ERP44: variants seen among roughly 807,000 people sequenced by gnomAD.
ERP44 encodes endoplasmic reticulum resident protein 44.
In ERP44, 25 loss-of-function variants were observed where a neutral mutation model predicts 53.4. The ratio of observed to expected loss-of-function variants is 0.47; its 90% confidence interval spans 0.34 to 0.65. ERP44 has a LOEUF of 0.65. ERP44 is among the 30% of genes least tolerant of loss of function. The pLI is 0.01. For synonymous variants in ERP44, 145 were observed against 161.2 expected, an observed-to-expected ratio of 0.90 and a Z score of 0.76; for missense variants, 338 against 493.2, an observed-to-expected ratio of 0.69 and a Z score of 2.98.
chr9:99,999,626 G>A (rs1281184535), intron 10 of ERP44, among the ~76,000 whole-genome samples: 1 of 152,070 alleles, frequency 6.6e-6, no homozygotes, highest in Non-Finnish European at 1.5e-5. Flanking sequence ...TTCCCATTCT[G>A]TAGGTTGTTT....
At chr9:99,997,796 AAC>A (rs1830328487) in intron 10 of ERP44, among the ~76,000 whole-genome samples, 1 of 152,144 alleles carries the variant, frequency 6.6e-6, no homozygotes, top group Non-Finnish European at 1.5e-5. Context: ...CCAGGACTAA[AAC>A]ACAGCACACT....
At chr9:100,044,314 C>T (rs921247979) in intron 4 of ERP44, among the ~76,000 whole-genome samples, 1 of 152,248 alleles carries the variant, frequency 6.6e-6, no homozygotes, top group Non-Finnish European at 1.5e-5. Flanking sequence ...AAGGTCTCTA[C>T]TCTCATAGAG....
chr9:100,054,896 A>C (rs1457881208), intron 3 of ERP44, among the ~76,000 whole-genome samples: 1 of 152,220 alleles, frequency 6.6e-6, no homozygotes, highest in African/African-American at 2.4e-5. Context: ...ATCTATTAAA[A>C]GGGCCTAAGG....
At position 100,000,967 on chromosome 9, in the gene ERP44, T is replaced by C. The variant is rs570476225; in HGVS notation, c.1016+5539A>G. Among the ~76,000 whole-genome samples, 92 of 152,280 alleles carry C rather than the reference T, an allele frequency of 6.0e-4. No homozygotes were observed. In the South Asian group the frequency reaches 0.018, roughly 30 times the overall value. ...TTGAGATCTTTCTTGTTTTCTGATG[T>C]AGGTGTTTCTTGCTATAAAACTTCC... On this transcript the variant is annotated intron_variant, in intron 10 of 11. Coordinates refer to ENST00000262455, the MANE Select transcript of ERP44 (RefSeq NM_015051.3).
chr9:100,041,338 C>T (rs941080527), intron 4 of ERP44, among the ~76,000 whole-genome samples: 4 of 151,956 alleles, frequency 2.6e-5, no homozygotes, highest in African/African-American at 9.7e-5. Flanking sequence ...ATTACTTTTG[C>T]ACCAACCTAT....
chr9:100,053,467 C>T (rs971392248), intron 3 of ERP44, among the ~76,000 whole-genome samples: 1 of 152,152 alleles, frequency 6.6e-6, no homozygotes, highest in Non-Finnish European at 1.5e-5. Flanking sequence ...TAGGCGATTT[C>T]TTCATTACGT....
chr9:100,047,617 A>G (rs752836028), intron 4 of ERP44, among the ~76,000 whole-genome samples: 7 of 152,158 alleles, frequency 4.6e-5, no homozygotes, highest in Non-Finnish European at 8.8e-5. Context: ...CTCTCTAAAC[A>G]CTCTAAAACT....
chr9:100,075,550 C>T (rs1416607917), intron 1 of ERP44, among the ~76,000 whole-genome samples: 2 of 152,190 alleles, frequency 1.3e-5, no homozygotes, highest in Non-Finnish European at 2.9e-5. Context: ...ATCCAGAGAG[C>T]AAGAAGTAGC....
intron 10 of ERP44, among the ~76,000 whole-genome samples, chr9:99,996,808 A>C (rs1472169877): frequency 1.3e-5 from 2 of 152,102 alleles, no homozygotes; most frequent in African/African-American, 2.4e-5. Context: ...GAGTTGCTTC[A>C]CTTAGAATAA....
chr9:100,031,085 AAAG>A (rs1323025093), intron 4 of ERP44, among the ~76,000 whole-genome samples: 2 of 152,160 alleles, frequency 1.3e-5, no homozygotes, highest in East Asian at 3.8e-4. Context: ...GCTCTGTCAT[AAAG>A]AAGAATACCT....
rs1243047544 is a variant in ERP44 at position 99,981,195 on chromosome 9, A to G, written c.*1417T>C. On this transcript the variant is annotated 3_prime_UTR_variant, in exon 12 of 12. Coordinates refer to ENST00000262455, the MANE Select transcript of ERP44 (RefSeq NM_015051.3). ...TTCACAATTTGATACAATACATTAA[A>G]TATACCCCTTATCACCTTATTAACA... is the stretch of plus-strand genomic sequence containing the variant. The G allele has an allele frequency of 6.6e-6, 1 of 152,248 alleles. No individual in the cohort carries two copies. Among genetic ancestry groups the G allele is most frequent in the African/African-American group, 2.4e-5 (1 of 41,464 alleles). The allele number at this position is 152,248 out of a possible 1,614,324, so 9.4% of individuals were successfully genotyped here.
chr9:99,990,175 A>G (rs1353778885), intron 10 of ERP44, among the ~76,000 whole-genome samples: 1 of 152,210 alleles, frequency 6.6e-6, no homozygotes, highest in African/African-American at 2.4e-5. Context: ...AGAACACCAC[A>G]AAGATACTCC....
intron 10 of ERP44, among the ~76,000 whole-genome samples, chr9:100,002,933 T>C (rs959516152): frequency 2.0e-5 from 3 of 152,148 alleles, no homozygotes; most frequent in Admixed American, 2.0e-4. Flanking sequence ...CTTCATTTAC[T>C]CCTATAACTT....
chr9:100,006,932 T>C (rs2118632892), intron 9 of ERP44, among the ~76,000 whole-genome samples: 1 of 152,348 alleles, frequency 6.6e-6, no homozygotes, highest in Admixed American at 6.5e-5. Flanking sequence ...TCATTTACTT[T>C]GCAGATTATC....
intron 1 of ERP44, among the ~76,000 whole-genome samples, chr9:100,063,075 C>CAAAAAAAAAAAATAAAAAAAAAAAAAA (rs1826170748): frequency 2.5e-5 from 1 of 40,084 alleles, no homozygotes; most frequent in African/African-American, 1.1e-4. Flanking sequence ...CCCTGTCTCA[C>CAAAAAAAAAAAATAAAAAAAAAAAAAA]AAAAAAAAAA....
intron 1 of ERP44, among the ~76,000 whole-genome samples, chr9:100,067,876 G>A (rs1226498715): frequency 6.6e-5 from 10 of 151,168 alleles, no homozygotes; most frequent in South Asian, 2.1e-4. Flanking sequence ...CCCTCCGCCC[G>A]GCAGCCGCCC....
At chr9:100,009,342 G>A (rs551199651) in intron 8 of ERP44, among the ~76,000 whole-genome samples, 4 of 152,122 alleles carry the variant, frequency 2.6e-5, no homozygotes, top group South Asian at 4.2e-4. Context: ...TCAATCTCCT[G>A]ACCTCATGAT....
chr9:100,011,807 G>A (rs1052724365), intron 8 of ERP44, among the ~76,000 whole-genome samples: 1 of 152,106 alleles, frequency 6.6e-6, no homozygotes, highest in Non-Finnish European at 1.5e-5. Flanking sequence ...AAATACTCTG[G>A]TCACTAAGAA....
At chr9:100,084,562 C>G (rs117289988) in intron 1 of ERP44, among the ~76,000 whole-genome samples, 1 of 152,286 alleles carries the variant, frequency 6.6e-6, no homozygotes, top group Non-Finnish European at 1.5e-5. Context: ...GTTCATATTT[C>G]TCTTAAAAGA....
Sources: allele counts gnomAD v4.1 joint callset (sites outside exome capture counted in the v4.1 genomes callset), GRCh38; gene constraint gnomAD v4.1.1; transcripts MANE v1.5; gene names NCBI Gene and HGNC (gene_info 2026-07-23, HGNC 2026-07-21).